The following CACNA2D3 variants were observed in gnomAD, a reference collection of about 807,000 sequenced individuals.
CACNA2D3 encodes calcium voltage-gated channel auxiliary subunit alpha2delta 3, also known as voltage-dependent calcium channel subunit alpha-2/delta-3.
A neutral mutation model predicts 160.6 loss-of-function variants in CACNA2D3; 60 were observed. That is an observed-to-expected ratio of 0.37 (90% CI 0.30 to 0.46). CACNA2D3 has a LOEUF of 0.46. Ranked by LOEUF, CACNA2D3 falls within the 20% of genes least tolerant of loss-of-function variation. The pLI, the probability that CACNA2D3 is intolerant of heterozygous loss-of-function variation, is 1.00. For synonymous variants in CACNA2D3, 558 were observed against 492.9 expected (o/e 1.13, Z -1.75); for missense variants, 1,205 against 1,365.0 (o/e 0.88, Z 1.85).
chr3:55,051,080 G>A (rs913245668), intron 35 of CACNA2D3, among the ~76,000 whole-genome samples: 7 of 151,648 alleles, frequency 4.6e-5, no homozygotes, highest in East Asian at 1.9e-4. Flanking sequence ...TAATTTGATT[G>A]TCTGAAGCCT....
chr3:54,449,819 A>G (rs191109575), intron 4 of CACNA2D3, among the ~76,000 whole-genome samples: 3 of 152,332 alleles, frequency 2.0e-5, no homozygotes, highest in Non-Finnish European at 2.9e-5. Context: ...CAGCCTGTAG[A>G]GAAGCAAGGA....
intron 27 of CACNA2D3, among the ~76,000 whole-genome samples, chr3:54,947,477 C>T (rs1157257818): frequency 1.3e-5 from 2 of 152,120 alleles, no homozygotes; most frequent in Non-Finnish European, 2.9e-5. Flanking sequence ...TCTCAGGAGG[C>T]ACTGAAGCAT....
intron 5 of CACNA2D3, among the ~76,000 whole-genome samples, chr3:54,532,141 G>C (rs1701815859): frequency 6.6e-6 from 1 of 152,190 alleles, no homozygotes; most frequent in Non-Finnish European, 1.5e-5. Context: ...GAGAAAGAGA[G>C]ATCCAATTGT....
At chr3:54,828,626 C>T (rs1225402604) in intron 14 of CACNA2D3, among the ~76,000 whole-genome samples, 3 of 152,022 alleles carry the variant, frequency 2.0e-5, no homozygotes, top group Non-Finnish European at 2.9e-5. Context: ...ATAGATGTTC[C>T]AAGATTGTCC....
intron 4 of CACNA2D3, among the ~76,000 whole-genome samples, chr3:54,474,378 T>C (rs764527528): frequency 9.3e-5 from 14 of 151,020 alleles, no homozygotes; most frequent in South Asian, 8.4e-4. Flanking sequence ...GAGGGGAACA[T>C]CACATACCGG....
At chr3:54,275,576 G>A (rs1199102344) in intron 2 of CACNA2D3, among the ~76,000 whole-genome samples, 3 of 152,180 alleles carry the variant, frequency 2.0e-5, no homozygotes, top group Admixed American at 1.3e-4. Context: ...AATGAATGCT[G>A]TTTTGAGATA....
intron 11 of CACNA2D3, among the ~76,000 whole-genome samples, chr3:54,705,363 T>C (rs1451232786): frequency 2.0e-5 from 3 of 152,180 alleles, no homozygotes; most frequent in Non-Finnish European, 2.9e-5. Flanking sequence ...AGGTAACTTA[T>C]CTGTAGCCTA....
intron 11 of CACNA2D3, among the ~76,000 whole-genome samples, chr3:54,715,547 T>C (rs1701037599): frequency 6.6e-6 from 1 of 151,960 alleles, no homozygotes; most frequent in South Asian, 2.1e-4. Context: ...GGCCTGAAAT[T>C]TCCAGTCCTC....
At chr3:54,332,726 G>A (rs899310113) in intron 3 of CACNA2D3, among the ~76,000 whole-genome samples, 1 of 152,154 alleles carries the variant, frequency 6.6e-6, no homozygotes, top group African/African-American at 2.4e-5. Context: ...CCTGTCCTGA[G>A]CTACCTTCAT....
At chr3:54,900,171 A>G (rs1008466854) in intron 27 of CACNA2D3, among the ~76,000 whole-genome samples, 2 of 152,206 alleles carry the variant, frequency 1.3e-5, no homozygotes, top group Non-Finnish European at 2.9e-5. Context: ...GTTCATTCAA[A>G]GTAAACTCCA....
intron 27 of CACNA2D3, among the ~76,000 whole-genome samples, chr3:54,957,778 C>T (rs993018740): frequency 2.0e-5 from 3 of 152,120 alleles, no homozygotes; most frequent in Non-Finnish European, 4.4e-5. Context: ...CATCTCTCAC[C>T]CGGTAGGATG....
intron 2 of CACNA2D3, among the ~76,000 whole-genome samples, chr3:54,293,977 C>T (rs919199089): frequency 6.6e-6 from 1 of 152,150 alleles, no homozygotes; most frequent in African/African-American, 2.4e-5. Context: ...GGAAGGCCCC[C>T]AGAAAGGAGG....
intron 13 of CACNA2D3, among the ~76,000 whole-genome samples, chr3:54,775,038 T>C (rs1294839767): frequency 2.0e-5 from 3 of 152,212 alleles, no homozygotes; most frequent in African/African-American, 4.8e-5. Flanking sequence ...TTGTTAACTT[T>C]CATTACATTT....
intron 4 of CACNA2D3, among the ~76,000 whole-genome samples, chr3:54,484,211 C>T (rs937586241): frequency 6.6e-6 from 1 of 152,138 alleles, no homozygotes; most frequent in Non-Finnish European, 1.5e-5. Flanking sequence ...AACTACATAA[C>T]ATTTTTTTTC....
intron 11 of CACNA2D3, among the ~76,000 whole-genome samples, chr3:54,687,135 GTTTTTT>G (rs1290353261): frequency 6.7e-4 from 60 of 88,896 alleles, no homozygotes; most frequent in Admixed American, 3.7e-3. Context: ...TTTTTTTTTT[GTTTTTT>G]TTTTTTTTTG....
chr3:54,482,151 T>G lies in CACNA2D3; in HGVS notation c.382-21341T>G, dbSNP rs557930631. 9.8e-5 allele frequency among the ~76,000 whole-genome samples: 15 copies of G among 152,332 alleles called. No individual in the cohort carries two copies. In the South Asian group the frequency reaches 2.9e-3, roughly 29 times the overall value. ...TAATTGAAGCAGAATTGAGATGTCATAACCGAAACTGATACTGCAGACGCA... is the reference window on the plus strand; with the variant it reads ...TAATTGAAGCAGAATTGAGATGTCAGAACCGAAACTGATACTGCAGACGCA... On this transcript the variant is annotated intron_variant, in intron 4 of 37. Transcript: ENST00000474759.
At position 54,917,958 on chromosome 3, in the gene CACNA2D3, TA is replaced by T. The variant is rs555339894; in HGVS notation, c.2449+18094del. 7.2e-5 allele frequency among the ~76,000 whole-genome samples: 11 copies of T among 152,346 alleles called. No individual in the cohort carries two copies. In the East Asian group the frequency reaches 2.1e-3, roughly 29 times the overall value. On this transcript the variant is annotated intron_variant, in intron 27 of 37. Transcript: ENST00000474759. ...CTAAATTTATAACATATACAACATC[TA>T]AAAGTATCACTGATCTAGCATGAAC...
At chr3:54,508,862 C>A (rs977912012) in intron 5 of CACNA2D3, among the ~76,000 whole-genome samples, 1 of 152,310 alleles carries the variant, frequency 6.6e-6, no homozygotes, top group Admixed American at 6.5e-5. Context: ...GACCTGTAAC[C>A]ACCACTGCAG....
chr3:54,665,937 G>A (rs1404275718), intron 11 of CACNA2D3, among the ~76,000 whole-genome samples: 3 of 152,078 alleles, frequency 2.0e-5, no homozygotes, highest in Non-Finnish European at 4.4e-5. Flanking sequence ...GAGTAGCTGA[G>A]ACTACAGGGA....
Sources: allele counts gnomAD v4.1 joint callset (sites outside exome capture counted in the v4.1 genomes callset), GRCh38; gene constraint gnomAD v4.1.1; transcripts MANE v1.5; gene names NCBI Gene and HGNC (gene_info 2026-07-23, HGNC 2026-07-21).